CSMD1: variants seen among roughly 807,000 people sequenced by gnomAD.
The protein encoded by CSMD1 is CUB and sushi domain-containing protein 1.
CSMD1 carries 213 observed loss-of-function variants against 417.5 expected under a neutral mutation model. The observed-to-expected ratio is 0.51, with a 90% confidence interval of 0.46 to 0.57. CSMD1 has a LOEUF of 0.57. Among genes scored for constraint, CSMD1 ranks in the 20% least tolerant of loss-of-function variants. The probability of loss-of-function intolerance (pLI) is 0.00; values close to 1 mark genes in which losing one functional copy is unlikely to be tolerated. For synonymous variants in CSMD1, 2,862 were observed against 1,736.8 expected (o/e 1.65, Z -16.11); for missense variants, 6,923 against 4,529.7 (o/e 1.53, Z -15.17).
At chr8:4,076,825 T>A (rs1799846247) in intron 3 of CSMD1, among the ~76,000 whole-genome samples, 1 of 152,178 alleles carries the variant, frequency 6.6e-6, no homozygotes, top group East Asian at 1.9e-4. Flanking sequence ...AGCCATGCCT[T>A]TGCTTTAACT....
intron 7 of CSMD1, among the ~76,000 whole-genome samples, chr8:3,708,187 T>A (rs1801287073): frequency 6.6e-6 from 1 of 152,148 alleles, no homozygotes; most frequent in Non-Finnish European, 1.5e-5. Context: ...CAGACAGTGA[T>A]CAGGGCAGAC....
Position 3,860,891 on chromosome 8 carries a change from C to T in CSMD1, c.819-106849G>A, listed in dbSNP as rs192876231. 2.8e-3 allele frequency among the ~76,000 whole-genome samples: 426 copies of T among 152,296 alleles called. 2 individuals are homozygous for T. The highest frequency in any genetic ancestry group is 2.9e-3 in the Non-Finnish European group (200 of 68,028). ...AAAGTTCACTTTAAGTTCAGGTTAG[C>T]ACTAGAAATCTAGTCTCTATACTAT... On this transcript the variant is annotated intron_variant, in intron 5 of 69. Coordinates refer to ENST00000635120, the MANE Select transcript of CSMD1 (RefSeq NM_033225.6).
chr8:4,342,571 G>A (rs1025747663), intron 3 of CSMD1, among the ~76,000 whole-genome samples: 9 of 151,926 alleles, frequency 5.9e-5, no homozygotes, highest in Non-Finnish European at 1.2e-4. Flanking sequence ...CTCTCAGATG[G>A]ACACTTCCCC....
At position 4,926,734 on chromosome 8, in the gene CSMD1, T is replaced by C. The variant is rs116408312; in HGVS notation, c.85+67598A>G. 3.1e-3 allele frequency among the ~76,000 whole-genome samples: 478 copies of C among 152,294 alleles called. 5 individuals are homozygous for C. The highest frequency in any genetic ancestry group is 0.011 in the African/African-American group (457 of 41,566). On this transcript the variant is annotated intron_variant, in intron 1 of 69. Coordinates refer to ENST00000635120, the MANE Select transcript of CSMD1 (RefSeq NM_033225.6). ...AAACTTTACAGGACTTTACAATCTATACTGTGACTTACATTTTAAATTCAC... is the reference window on the plus strand; with the variant it reads ...AAACTTTACAGGACTTTACAATCTACACTGTGACTTACATTTTAAATTCAC...
chr8:3,904,137 T>G (rs1169029334), intron 5 of CSMD1, among the ~76,000 whole-genome samples: 2 of 152,156 alleles, frequency 1.3e-5, no homozygotes, highest in Non-Finnish European at 1.5e-5. Flanking sequence ...GTAATTATAT[T>G]TGGATAAATA....
intron 49 of CSMD1, among the ~76,000 whole-genome samples, chr8:3,081,474 T>C (rs917207143): frequency 6.6e-6 from 1 of 152,210 alleles, no homozygotes; most frequent in Non-Finnish European, 1.5e-5. Context: ...TTTCTTTTTT[T>C]ACAGTTTTCA....
intron 2 of CSMD1, among the ~76,000 whole-genome samples, chr8:4,636,543 A>G (rs899484409): frequency 1.3e-5 from 2 of 152,142 alleles, no homozygotes; most frequent in Non-Finnish European, 2.9e-5. Flanking sequence ...TGATTAGCTG[A>G]ATTGTACTCA....
At chr8:3,452,566 T>C (rs935006874) in intron 12 of CSMD1, among the ~76,000 whole-genome samples, 1 of 152,216 alleles carries the variant, frequency 6.6e-6, no homozygotes, top group Non-Finnish European at 1.5e-5. Flanking sequence ...CTGCATCTAT[T>C]GAGATAATCA....
intron 5 of CSMD1, among the ~76,000 whole-genome samples, chr8:3,865,091 A>G (rs566945540): frequency 4.6e-5 from 7 of 152,294 alleles, no homozygotes; most frequent in South Asian, 2.1e-4. Flanking sequence ...TTTGGTAACA[A>G]TACTCCACAC....
At chr8:3,879,423 G>T (rs367850280) in intron 5 of CSMD1, among the ~76,000 whole-genome samples, 1 of 152,106 alleles carries the variant, frequency 6.6e-6, no homozygotes, top group South Asian at 2.1e-4. Flanking sequence ...TGGAGGAAAT[G>T]AATCAGTCCG....
chr8:3,923,008 T>C (rs186590129), intron 5 of CSMD1, among the ~76,000 whole-genome samples: 48 of 152,304 alleles, frequency 3.2e-4, no homozygotes, highest in Middle Eastern at 3.4e-3. Flanking sequence ...CATCTATTCT[T>C]ATATGTTAGT....
Position 4,600,770 on chromosome 8 carries a change from T to C in CSMD1, c.302+36572A>G, listed in dbSNP as rs116405651. The stretch of plus-strand genomic sequence containing the variant: ...CTTTATGGGAACTAAGGCGTGAGGA[T>C]AAATTGTTAGTAACTTCAGACGTAA... On this transcript the variant is annotated intron_variant, in intron 2 of 69. Transcript: ENST00000635120. Among the ~76,000 whole-genome samples the C allele has an allele frequency of 9.8e-3, 1,489 of 152,292 alleles. 24 individuals carry two copies. Among genetic ancestry groups the C allele is most frequent in the African/African-American group, 0.034 (1,433 of 41,564 alleles).
chr8:3,259,320 C>G (rs771720330), intron 26 of CSMD1, among the ~76,000 whole-genome samples: 26 of 152,190 alleles, frequency 1.7e-4, no homozygotes, highest in Non-Finnish European at 3.2e-4. Context: ...CATGTGAGCT[C>G]TGCAAAGCAG....
chr8:3,618,742 C>T (rs1802270624), intron 7 of CSMD1, among the ~76,000 whole-genome samples: 1 of 152,040 alleles, frequency 6.6e-6, no homozygotes. Flanking sequence ...CAAGCAAATG[C>T]CCAATGAAGA....
chr8:4,328,044 G>A lies in CSMD1; in HGVS notation c.415+91909C>T, dbSNP rs566129370. Among the ~76,000 whole-genome samples, 19 of 152,170 alleles carry A rather than the reference G, an allele frequency of 1.2e-4. No individual in the cohort carries two copies. In the South Asian group the frequency reaches 3.7e-3, roughly 30 times the overall value. On this transcript the variant is annotated intron_variant, in intron 3 of 69. Transcript: ENST00000635120. ...GAGGTACTTAGCGTCAGTTATTGGT[G>A]ATCCAAGTACTAAGCTCTGCACTCC...
At chr8:3,178,656 T>C (rs370804775) in intron 37 of CSMD1, among the ~76,000 whole-genome samples, 36 of 152,268 alleles carry the variant, frequency 2.4e-4, no homozygotes, top group African/African-American at 7.7e-4. Flanking sequence ...TTCAAAAATA[T>C]AGGGCTGTTT....
chr8:3,960,953 T>C (rs1181718504), intron 5 of CSMD1, among the ~76,000 whole-genome samples: 2 of 152,032 alleles, frequency 1.3e-5, no homozygotes, highest in Non-Finnish European at 2.9e-5. Context: ...TACTATCCTC[T>C]TAATATTGTA....
At chr8:3,032,857 G>A (rs562334188) in intron 50 of CSMD1, among the ~76,000 whole-genome samples, 1 of 152,122 alleles carries the variant, frequency 6.6e-6, no homozygotes, top group South Asian at 2.1e-4. Context: ...AAAAAACACT[G>A]ATCTCTTTAT....
intron 26 of CSMD1, among the ~76,000 whole-genome samples, chr8:3,258,241 C>A (rs575121103): frequency 8.5e-5 from 13 of 152,056 alleles, no homozygotes; most frequent in African/African-American, 3.1e-4. Flanking sequence ...GGAACTTGGA[C>A]AAATTTACAC....
Sources: allele counts gnomAD v4.1 joint callset (sites outside exome capture counted in the v4.1 genomes callset), GRCh38; gene constraint gnomAD v4.1.1; transcripts MANE v1.5; gene names NCBI Gene and HGNC (gene_info 2026-07-23, HGNC 2026-07-21).